The following EPHB1 variants were observed in gnomAD, a reference collection of about 807,000 sequenced individuals.
EPHB1 encodes ephrin type-B receptor 1.
EPHB1 carries 30 observed loss-of-function variants against 94.4 expected under a neutral mutation model. The observed-to-expected ratio is 0.32, with a 90% CI of 0.24 to 0.43. The LOEUF is 0.43. Ranked by LOEUF, EPHB1 falls within the 20% of genes least tolerant of loss-of-function variation. The pLI, the probability that EPHB1 is intolerant of heterozygous loss-of-function variation, is 1.00. For missense variants in EPHB1, 1,055 were observed against 1,308.3 expected (o/e 0.81, Z 2.99); for synonymous variants, 522 against 489.1 (o/e 1.07, Z -0.89).
chr3:135,075,158 T>C (rs1216757684), intron 3 of EPHB1, among the ~76,000 whole-genome samples: 2 of 152,160 alleles, frequency 1.3e-5, no homozygotes, highest in Non-Finnish European at 2.9e-5. Context: ...TGATTGGATA[T>C]CTGAACTATC....
chr3:135,186,237 G>A (rs1015730445), intron 10 of EPHB1, among the ~76,000 whole-genome samples: 14 of 152,176 alleles, frequency 9.2e-5, no homozygotes, highest in Admixed American at 2.0e-4. Context: ...TGTGAATACC[G>A]TGGCTGTCAA....
At position 134,951,688 on chromosome 3, in the gene EPHB1, C is replaced by T. The variant is rs1294053557; in HGVS notation, c.441C>T (p.Ser147=). The change falls in exon 3 of 16, where the codon TCC becomes TCT. Residue 147 remains serine, a synonymous_variant. Transcript: ENST00000398015. The surrounding 1 kb of genome is among the most constrained non-coding windows in gnomAD (Gnocchi z 4.5). The part of the protein sequence containing the change: ...VDTIAADESF[S]QVDFGGRLMK... ...CCATTGCTGCAGATGAGAGCTTCTC[C>T]CAGGTGGACTTTGGGGGAAGGCTGA... The T allele has an allele frequency of 6.2e-7, 1 of 1,613,928 alleles. No homozygotes were observed. Among genetic ancestry groups the T allele is most frequent in the Non-Finnish European group, 8.5e-7 (1 of 1,179,966 alleles).
intron 12 of EPHB1, among the ~76,000 whole-genome samples, chr3:135,211,544 TA>T (rs1358920307): frequency 1.3e-5 from 2 of 152,218 alleles, no homozygotes; most frequent in Non-Finnish European, 2.9e-5. Flanking sequence ...ATTACTGAAA[TA>T]TATTTTTGCT....
intron 4 of EPHB1, among the ~76,000 whole-genome samples, chr3:135,126,486 G>T (rs1207452195): frequency 6.6e-6 from 1 of 152,168 alleles, no homozygotes; most frequent in African/African-American, 2.4e-5. Context: ...CTCTAGGGAG[G>T]CCAGGAAGCA....
chr3:135,096,715 G>T (rs76432586), intron 3 of EPHB1, among the ~76,000 whole-genome samples: 2 of 152,126 alleles, frequency 1.3e-5, no homozygotes, highest in Non-Finnish European at 2.9e-5. Flanking sequence ...AAGCTCTCTC[G>T]TATTTCTTCT....
intron 11 of EPHB1, among the ~76,000 whole-genome samples, chr3:135,195,298 A>G (rs923454210): frequency 3.3e-5 from 5 of 151,962 alleles, no homozygotes; most frequent in African/African-American, 1.2e-4. Context: ...TCAAAACCCC[A>G]CACTGCTGCT....
At chr3:135,170,700 G>T (rs1318874202) in intron 9 of EPHB1, among the ~76,000 whole-genome samples, 2 of 152,124 alleles carry the variant, frequency 1.3e-5, no homozygotes, top group African/African-American at 2.4e-5. Context: ...CTTGAAAAAA[G>T]TTCCAGTTGA....
chr3:135,217,476 GGAGAGAGA>G lies in EPHB1; in HGVS notation c.2346+15798_2346+15805del, dbSNP rs141040790. 5.0e-4 allele frequency among the ~76,000 whole-genome samples: 73 copies of G among 146,798 alleles called. No homozygotes were observed. The East Asian group carries it at 0.014, about 28-fold the overall frequency. On this transcript the variant is annotated intron_variant, in intron 12 of 15. Coordinates refer to ENST00000398015, the MANE Select transcript of EPHB1 (RefSeq NM_004441.5). ...CACACACACACACACACGCACACGG[GGAGAGAGA>G]GAGAGAGAGATGTGTGTAGTGTAGT...
intron 3 of EPHB1, among the ~76,000 whole-genome samples, chr3:135,025,165 C>CT (rs747024011): frequency 0.43 from 34,555 of 80,572 alleles, 6,864 homozygotes; most frequent in Middle Eastern, 0.46. Context: ...TTCCTTCTTT[C>CT]TTTTTTTTTT....
chr3:134,843,871 C>A (rs2036820745), intron 1 of EPHB1, among the ~76,000 whole-genome samples: 2 of 152,232 alleles, frequency 1.3e-5, no homozygotes, highest in South Asian at 4.1e-4. Flanking sequence ...TTTTTGTCTG[C>A]TGTATCTAAT....
intron 2 of EPHB1, among the ~76,000 whole-genome samples, chr3:134,946,786 C>T (rs1156262316): frequency 1.0e-5 from 1 of 98,418 alleles, no homozygotes; most frequent in African/African-American, 6.8e-5. Context: ...TGTGACATGC[C>T]TGCTCCTCCA....
Position 135,007,987 on chromosome 3 carries a change from C to T in EPHB1, c.805+55935C>T, listed in dbSNP as rs112539274. On this transcript the variant is annotated intron_variant, in intron 3 of 15. Transcript: ENST00000398015. ...CGAGGCCCCAGCCAGCCTTCACATC[C>T]GTGACAAAATCATGAGGGGAGGCTC... Among the ~76,000 whole-genome samples, 1,077 of 152,266 alleles carry T rather than the reference C, an allele frequency of 7.1e-3. 14 individuals carry two copies. The highest frequency in any genetic ancestry group is 0.024 in the African/African-American group (992 of 41,540).
intron 3 of EPHB1, among the ~76,000 whole-genome samples, chr3:134,959,166 C>T (rs537101284): frequency 2.6e-5 from 4 of 152,262 alleles, no homozygotes; most frequent in East Asian, 1.9e-4. Context: ...AACATCACCA[C>T]GTCAGGAGTC....
intron 10 of EPHB1, among the ~76,000 whole-genome samples, chr3:135,184,956 G>A (rs2107707085): frequency 6.6e-6 from 1 of 152,334 alleles, no homozygotes; most frequent in Non-Finnish European, 1.5e-5. Flanking sequence ...AGCTTGAATG[G>A]CACTCCTGGG....
intron 12 of EPHB1, among the ~76,000 whole-genome samples, chr3:135,212,585 T>C (rs1943055469): frequency 6.6e-6 from 1 of 152,256 alleles, no homozygotes; most frequent in South Asian, 2.1e-4. Flanking sequence ...GAAAACTTTA[T>C]ACACAGAATT....
chr3:134,973,128 T>C (rs1204487217), intron 3 of EPHB1, among the ~76,000 whole-genome samples: 1 of 152,214 alleles, frequency 6.6e-6, no homozygotes, highest in Non-Finnish European at 1.5e-5. Flanking sequence ...GTGTGGGGAA[T>C]GTGTCCTCCT....
At chr3:134,851,221 C>G (rs1170029070) in intron 1 of EPHB1, among the ~76,000 whole-genome samples, 1 of 152,232 alleles carries the variant, frequency 6.6e-6, no homozygotes, top group African/African-American at 2.4e-5. Flanking sequence ...GCACACCTGC[C>G]TACTTTATGC....
intron 3 of EPHB1, among the ~76,000 whole-genome samples, chr3:135,068,100 C>T (rs1937607625): frequency 6.6e-6 from 1 of 152,132 alleles, no homozygotes; most frequent in Admixed American, 6.5e-5. Flanking sequence ...TTCAGAGGGT[C>T]TGTGTGTCCT....
intron 1 of EPHB1, among the ~76,000 whole-genome samples, chr3:134,822,871 A>T (rs1289664416): frequency 6.6e-6 from 1 of 152,284 alleles, no homozygotes; most frequent in Non-Finnish European, 1.5e-5. Context: ...GCATAAACGA[A>T]CCCAGGCAGT....
Sources: gnomAD v4.1 joint callset for allele counts (sites outside exome capture counted in the v4.1 genomes callset) on GRCh38, gnomAD v4.1.1 for gene constraint, Gnocchi (gnomAD v3.1) non-coding constraint, MANE v1.5 for transcripts, NCBI Gene and HGNC (gene_info 2026-07-23, HGNC 2026-07-21) for gene names.